CFAP92: variants seen among roughly 807,000 people sequenced by gnomAD.
CFAP92 encodes uncharacterized protein CFAP92.
Under a neutral mutation model 106.3 loss-of-function variants are expected in CFAP92, and 86 were observed. The observed-to-expected ratio is 0.81, with a 90% CI of 0.68 to 0.97. The LOEUF (loss-of-function observed/expected upper bound fraction) is 0.97. Ranked by LOEUF, CFAP92 falls within the 50% of genes least tolerant of loss-of-function variation. The pLI is 0.00. For synonymous variants in CFAP92, 477 were observed against 506.4 expected, an observed-to-expected ratio of 0.94 and a Z score of 0.78; for missense variants, 1,204 against 1,283.8, an observed-to-expected ratio of 0.94 and a Z score of 0.95.
intron 12 of CFAP92, among the ~76,000 whole-genome samples, chr3:128,932,428 G>A (rs1277505982): frequency 6.8e-6 from 1 of 147,964 alleles, no homozygotes; most frequent in African/African-American, 2.6e-5. Context: ...AATGAACTCT[G>A]GGAGCCATGG....
intron 9 of CFAP92, among the ~76,000 whole-genome samples, chr3:128,964,622 A>G (rs1942224064): frequency 1.3e-5 from 2 of 152,188 alleles, no homozygotes; most frequent in Admixed American, 6.5e-5. Context: ...CAGATGTCCT[A>G]GGTCCTCCCA....
At chr3:128,965,271 C>T (rs1458675923) in intron 9 of CFAP92, among the ~76,000 whole-genome samples, 2 of 152,210 alleles carry the variant, frequency 1.3e-5, no homozygotes, top group African/African-American at 2.4e-5. Context: ...TCCTATAAAA[C>T]GGCCCCACCC....
chr3:128,930,613 TG>T (rs1053194083), intron 12 of CFAP92, among the ~76,000 whole-genome samples: 1 of 151,800 alleles, frequency 6.6e-6, no homozygotes, highest in African/African-American at 2.4e-5. Context: ...TAGGCAGGCA[TG>T]GTGGTGTGTG....
chr3:128,981,652 C>T (rs1943544820), intron 4 of CFAP92, among the ~76,000 whole-genome samples: 1 of 152,192 alleles, frequency 6.6e-6, no homozygotes, highest in Non-Finnish European at 1.5e-5. Flanking sequence ...TTTCAATTTA[C>T]TTGGCCCATA....
intron 10 of CFAP92, among the ~76,000 whole-genome samples, chr3:128,943,800 G>A (rs954586380): frequency 6.6e-6 from 1 of 151,896 alleles, no homozygotes; most frequent in Non-Finnish European, 1.5e-5. Flanking sequence ...GCCTCCCAAA[G>A]TGCTGGGATA....
intron 12 of CFAP92, among the ~76,000 whole-genome samples, chr3:128,929,751 G>A (rs1039792982): frequency 6.6e-6 from 1 of 152,176 alleles, no homozygotes; most frequent in Admixed American, 6.5e-5. Context: ...TAGATCAGTG[G>A]TTATGTGGGA....
Position 128,993,228 on chromosome 3 carries a change from T to A in CFAP92, c.77A>T (p.Gln26Leu). The change falls in exon 2 of 16, where the codon CAG (glutamine) becomes CTG (leucine). Residue 26 changes from glutamine (Q) to leucine (L), a missense_variant. Gln to Leu is a moderately radical substitution (Grantham distance 113). Transcript: ENST00000645291. ...CTCCACGTCACACTCGCTCGTGGACTGGTAAAAGCTAGTGATGGAGGAGAT... is the reference window on the plus strand; with the variant it reads ...CTCCACGTCACACTCGCTCGTGGACAGGTAAAAGCTAGTGATGGAGGAGAT... ...EPISSITSFY[Q>L]STSECDVEEH... 6.2e-7 allele frequency: 1 copy of A among 1,614,020 alleles called. No homozygotes were observed. Among genetic ancestry groups the A allele is most frequent in the Non-Finnish European group, 8.5e-7 (1 of 1,179,874 alleles).
chr3:128,964,695 C>A (rs1206715583), intron 9 of CFAP92, among the ~76,000 whole-genome samples: 2 of 152,202 alleles, frequency 1.3e-5, no homozygotes, highest in South Asian at 2.1e-4. Context: ...CTCAATTCAT[C>A]CAAAACCATA....
At chr3:128,952,480 C>A (rs1347484360) in intron 9 of CFAP92, among the ~76,000 whole-genome samples, 2 of 152,036 alleles carry the variant, frequency 1.3e-5, no homozygotes. Flanking sequence ...CCAGAAAAAT[C>A]AACTTGAATG....
intron 12 of CFAP92, among the ~76,000 whole-genome samples, chr3:128,927,449 G>A (rs62265278): frequency 0.048 from 7,278 of 152,186 alleles, 353 homozygotes; most frequent in African/African-American, 0.12. Flanking sequence ...GGCCGGGCGC[G>A]GTGGCTCACA....
At position 129,002,165 on chromosome 3, in the gene CFAP92, GCGC is replaced by G. The variant is rs747038490; in HGVS notation, n.117+406_117+408del. ...AGACGCAGATCCGCCTGCGCCGTCC[GCGC>G]CGCCGCCGCCGCCCGCCCTGCGCGC... On this transcript the variant is annotated intron_variant and non_coding_transcript_variant, in intron 1 of 4. Coordinates refer to the CFAP92 transcript ENST00000510149. 98 of 1,471,394 alleles carry G rather than the reference GCGC, an allele frequency of 6.7e-5. No homozygotes were observed. The East Asian group carries it at 8.9e-4, about 13-fold the overall frequency. The allele number at this position is 1,471,394 out of a possible 1,614,324, so 91.1% of individuals were successfully genotyped here. A position where few individuals can be genotyped will look rare whatever the true frequency, so the allele number is the denominator to read the frequency against.
chr3:129,016,891 C>T, the CFAP92 span, among the ~76,000 whole-genome samples: 1 of 152,204 alleles, frequency 6.6e-6, no homozygotes, highest in South Asian at 2.1e-4. Flanking sequence ...GCTGCAAGAA[C>T]ATAAAACCCA....
chr3:128,999,284 G>A (rs781486230), intron 1 of CFAP92, among the ~76,000 whole-genome samples: 6 of 152,180 alleles, frequency 3.9e-5, no homozygotes, highest in Non-Finnish European at 7.3e-5. Context: ...TGGTAACACC[G>A]CAGGGCAGAC....
At chr3:129,001,837 G>A in intron 1 of CFAP92, 1 of 1,545,728 alleles carries the variant, frequency 6.5e-7, no homozygotes, top group East Asian at 2.5e-5. Context: ...GACTGCCGCG[G>A]CGCCGGCCGT....
intron 9 of CFAP92, among the ~76,000 whole-genome samples, chr3:128,960,623 GCTCT>G (rs1941824921): frequency 6.6e-6 from 1 of 152,212 alleles, no homozygotes; most frequent in African/African-American, 2.4e-5. Flanking sequence ...TTGCAGGGAC[GCTCT>G]CTGATTATAC....
intron 10 of CFAP92, among the ~76,000 whole-genome samples, chr3:128,943,968 T>G (rs942258636): frequency 6.8e-6 from 1 of 147,166 alleles, no homozygotes; most frequent in Non-Finnish European, 1.5e-5. Flanking sequence ...CTGGCTCTGT[T>G]GTCCAGGCTG....
At chr3:128,947,166 G>A (rs996700992) in intron 9 of CFAP92, among the ~76,000 whole-genome samples, 5 of 151,768 alleles carry the variant, frequency 3.3e-5, no homozygotes, top group African/African-American at 1.2e-4. Context: ...CTCGGCAGAA[G>A]TCTACTAGTT....
At chr3:128,927,741 T>A (rs1057186177) in intron 12 of CFAP92, among the ~76,000 whole-genome samples, 24 of 142,682 alleles carry the variant, frequency 1.7e-4, no homozygotes, top group South Asian at 2.3e-4. Flanking sequence ...AAAAAAAAAA[T>A]TAATTCTATT....
chr3:128,931,694 G>A (rs1938413636), intron 12 of CFAP92, among the ~76,000 whole-genome samples: 1 of 151,954 alleles, frequency 6.6e-6, no homozygotes, highest in Non-Finnish European at 1.5e-5. Context: ...TCCAAGAACT[G>A]ATTCTTTTGA....
Sources: allele counts gnomAD v4.1 joint callset (sites outside exome capture counted in the v4.1 genomes callset), GRCh38; gene constraint gnomAD v4.1.1; transcripts MANE v1.5; gene names NCBI Gene and HGNC (gene_info 2026-07-23, HGNC 2026-07-21).